CHEK1: variants seen among roughly 807,000 people sequenced by gnomAD.
CHEK1 encodes the protein checkpoint kinase 1, also known as serine/threonine-protein kinase Chk1.
Under a neutral mutation model 60.2 loss-of-function variants are expected in CHEK1, and 32 were observed. The observed-to-expected ratio is 0.53, with a 90% CI of 0.40 to 0.71. The LOEUF is 0.71. Among genes scored for constraint, CHEK1 ranks in the 30% least tolerant of loss-of-function variants. CHEK1 has a pLI of 0.00. For missense variants in CHEK1, 399 were observed against 564.6 expected, an observed-to-expected ratio of 0.71 and a Z score of 2.97; for synonymous variants, 179 against 187.2, an observed-to-expected ratio of 0.96 and a Z score of 0.36.
intron 3 of CHEK1, among the ~76,000 whole-genome samples, chr11:125,628,756 T>C (rs1331283990): frequency 1.3e-5 from 2 of 152,134 alleles, no homozygotes; most frequent in Non-Finnish European, 1.5e-5. Flanking sequence ...CACTCCAGCC[T>C]GGGTGAAAGA....
In CHEK1 at chr11:125,635,444, A is replaced by G. The variant is rs779394398; in HGVS notation, c.629A>G (p.Gln210Arg). 2.1e-5 allele frequency: 33 copies of G among 1,593,596 alleles called. No homozygotes were observed. In the South Asian group the frequency reaches 3.6e-4, roughly 17 times the overall value. ...TTGTTTTTAGAATTGCCATGGGACC[A>G]ACCCAGTGACAGCTGTCAGGAGTAT... ...AMLAGELPWD[Q>R]PSDSCQEYSD... The change falls in exon 7 of 13, where the codon CAA becomes CGA. Residue 210 changes from glutamine (Q) to arginine (R), a missense_variant. Gln to Arg is a conservative substitution (Grantham distance 43, BLOSUM62 1). Transcript: ENST00000438015.
rs1941791584 is a variant in CHEK1, at chr11:125,653,019, A to G, written c.1234-727A>G. On this transcript the variant is annotated intron_variant, in intron 11 of 12. Coordinates refer to ENST00000438015, the MANE Select transcript of CHEK1 (RefSeq NM_001114122.3). This position sits in a 1 kb window ranked among gnomAD's most constrained non-coding sequence, Gnocchi z 4.3. ...CTGTTCTGCCTTCTACTTCTATGAAATTAACAGTTTTTTTGTTTCCACATA... is the reference window on the plus strand; with the variant it reads ...CTGTTCTGCCTTCTACTTCTATGAAGTTAACAGTTTTTTTGTTTCCACATA... Among the ~76,000 whole-genome samples, 1 of 152,048 alleles carries G rather than the reference A, an allele frequency of 6.6e-6. No individual in the cohort carries two copies. The highest frequency in any genetic ancestry group is 1.5e-5 in the Non-Finnish European group (1 of 68,012).
rs1260462529 is a variant in CHEK1 at position 125,639,362 on chromosome 11, C to T, written c.814+1818C>T. On this transcript the variant is annotated intron_variant, in intron 8 of 12. Transcript: ENST00000438015. ...TTCTCTGTCCTGTTCTCCTAAATCACGTTTTTATAATACTTTTCTCTTTTT... is the reference window on the plus strand; with the variant it reads ...TTCTCTGTCCTGTTCTCCTAAATCATGTTTTTATAATACTTTTCTCTTTTT... Among the ~76,000 whole-genome samples the T allele has an allele frequency of 2.8e-5, 4 of 144,966 alleles. No homozygotes were observed. The South Asian group carries it at 6.6e-4, about 24-fold the overall frequency.
In CHEK1 at chr11:125,652,778, G is replaced by A. The variant is rs1349537575; in HGVS notation, c.1234-968G>A. Reference sequence around the variant, plus strand: ...ATATAATGTATAATGATCAGATCAGGATAATTAGCATATTCATAATTTCAA... The same window carrying A: ...ATATAATGTATAATGATCAGATCAGAATAATTAGCATATTCATAATTTCAA... On this transcript the variant is annotated intron_variant, in intron 11 of 12. Coordinates refer to ENST00000438015, the MANE Select transcript of CHEK1 (RefSeq NM_001114122.3). Among the ~76,000 whole-genome samples, 3 of 152,294 alleles carry A rather than the reference G, an allele frequency of 2.0e-5. No homozygotes were observed. The East Asian group carries it at 5.8e-4, about 29-fold the overall frequency.
chr11:125,680,178 T>G (rs553183040), downstream of CHEK1, among the ~76,000 whole-genome samples: 1 of 152,322 alleles, frequency 6.6e-6, no homozygotes, highest in African/African-American at 2.4e-5. Flanking sequence ...CATGGCCTCT[T>G]TCTGCTGTAG....
downstream of CHEK1, among the ~76,000 whole-genome samples, chr11:125,661,508 C>G (rs1761277460): frequency 6.6e-6 from 1 of 152,116 alleles, no homozygotes; most frequent in Admixed American, 6.6e-5. Flanking sequence ...GACAGGGTTT[C>G]ATCGTGTTGT....
downstream of CHEK1, chr11:125,681,046 G>T (rs1175343555): frequency 1.8e-5 from 5 of 282,310 alleles, no homozygotes; most frequent in Non-Finnish European, 3.2e-5. The surrounding 1 kb of genome is among the most constrained non-coding windows in gnomAD (Gnocchi z 4.2). Context: ...GTGTGTTGGG[G>T]CTATCTGCCC....
In CHEK1 at chr11:125,629,669, G is replaced by A. The variant is rs186049945; in HGVS notation, c.424+209G>A. On this transcript the variant is annotated intron_variant, in intron 5 of 12. Transcript: ENST00000438015. ...AAGTCTCATTTTGCAATACAAGTGC[G>A]GATCAGGTAGAGAAATCTGACCTAG... Among the ~76,000 whole-genome samples, 5 of 152,112 alleles carry A rather than the reference G, an allele frequency of 3.3e-5. No individual in the cohort carries two copies. The East Asian group carries it at 5.8e-4, about 18-fold the overall frequency.
chr11:125,667,546 G>A (rs1220114810), intron 13 of CHEK1, among the ~76,000 whole-genome samples: 6 of 152,240 alleles, frequency 3.9e-5, no homozygotes, highest in Middle Eastern at 3.4e-3. Flanking sequence ...AGTAAAGAGA[G>A]AGAGTTTGAC....
chr11:125,644,400 A>G (rs1941423313), intron 10 of CHEK1, 112 bp from the exon 11 acceptor site: 1 of 1,358,392 alleles, frequency 7.4e-7, no homozygotes, highest in Non-Finnish European at 1.0e-6. Flanking sequence ...CAAGGAAGAA[A>G]GAGAGGAGGG....
intron 6 of CHEK1, among the ~76,000 whole-genome samples, 188 bp downstream of exon 6, chr11:125,633,539 C>G (rs569418260): frequency 1.3e-5 from 2 of 152,242 alleles, no homozygotes; most frequent in Non-Finnish European, 2.9e-5. Flanking sequence ...CCTCAAACTT[C>G]TAGGCTCAAG....
At chr11:125,637,608 T>C (rs1941125755) in intron 8 of CHEK1, 64 bp downstream of exon 8, 6 of 1,132,304 alleles carry the variant, frequency 5.3e-6, no homozygotes, top group East Asian at 2.4e-5. Flanking sequence ...TGCAAAGTTA[T>C]TATCACAAGT....
At chr11:125,672,523 A>G in intron 13 of CHEK1, 1 of 1,582,002 alleles carries the variant, frequency 6.3e-7, no homozygotes, top group Non-Finnish European at 8.6e-7. Flanking sequence ...GGAACTAAAT[A>G]TAAAATGAGC....
chr11:125,671,536 A>C (rs1403512615), intron 13 of CHEK1: 1 of 152,172 alleles, frequency 6.6e-6, no homozygotes, highest in Non-Finnish European at 1.5e-5. Flanking sequence ...ATGTGTATAT[A>C]TGTTGAAATT....
chr11:125,640,473 C>T (rs1941249671), intron 8 of CHEK1, among the ~76,000 whole-genome samples: 1 of 143,472 alleles, frequency 7.0e-6, no homozygotes, highest in African/African-American at 2.6e-5. Flanking sequence ...CCCCGGGGGG[C>T]GGAGCTTGCA....
intron 1 of CHEK1, 184 bp downstream of exon 1, chr11:125,626,196 G>GA (rs1940591447): frequency 1.7e-6 from 1 of 594,132 alleles, no homozygotes; most frequent in Non-Finnish European, 3.0e-6. Flanking sequence ...CGTTGTGGGG[G>GA]CGGGGGCAGG....
At chr11:125,650,343 G>A (rs1211897861) in intron 11 of CHEK1, among the ~76,000 whole-genome samples, 4 of 150,754 alleles carry the variant, frequency 2.7e-5, no homozygotes, top group South Asian at 2.1e-4. Context: ...GTAATTTTTT[G>A]TTGAAAACTG....
chr11:125,643,988 A>G, intron 9 of CHEK1, 88 bp downstream of exon 9: 1 of 1,529,592 alleles, frequency 6.5e-7, no homozygotes, highest in Non-Finnish European at 9.0e-7. Context: ...AATAATCGAC[A>G]TTAACATAAT....
chr11:125,638,658 T>G (rs533045652), intron 8 of CHEK1, among the ~76,000 whole-genome samples: 15 of 152,318 alleles, frequency 9.8e-5, no homozygotes, highest in African/African-American at 3.6e-4. Context: ...TCCTTTGATC[T>G]GGACATGGTA....
Sources: allele counts gnomAD v4.1 joint callset (sites outside exome capture counted in the v4.1 genomes callset), GRCh38; gene constraint gnomAD v4.1.1; non-coding constraint Gnocchi (gnomAD v3.1); transcripts MANE v1.5; gene names NCBI Gene and HGNC (gene_info 2026-07-23, HGNC 2026-07-21).